MYO15B: variants seen among roughly 807,000 people sequenced by gnomAD.
The protein encoded by MYO15B is myosin XVB pseudogene.
A neutral mutation model predicts 119.3 loss-of-function variants in MYO15B; 207 were observed. The ratio of observed to expected loss-of-function variants is 1.73; its 90% CI spans 1.55 to 1.95. The LOEUF (loss-of-function observed/expected upper bound fraction) is 1.95. Ranked by LOEUF, MYO15B falls within the 30% of genes most tolerant of loss-of-function variation. The pLI, the probability that MYO15B is intolerant of heterozygous loss-of-function variation, is 0.00. For synonymous variants in MYO15B, 966 were observed against 498.9 expected (o/e 1.94, Z -12.48); for missense variants, 2,264 against 1,203.1 (o/e 1.88, Z -13.04).
chr17:75,591,848 C>T, intron 5 of MYO15B, 129 bp from the exon 6 acceptor site: 2 of 670,038 alleles, frequency 3.0e-6, no homozygotes, highest in Admixed American at 2.1e-5. Flanking sequence ...TCTGGCGTCT[C>T]CTGGGGTCAG....
exon 1 of MYO15B, chr17:75,588,502 G>T (rs1223889662): frequency 5.0e-6 from 2 of 398,448 alleles, no homozygotes; most frequent in Non-Finnish European, 8.9e-6. Context: ...CCTCAATGGG[G>T]ACACGTCGGG....
exon 26 of MYO15B, chr17:75,612,876 C>A: frequency 1.4e-6 from 1 of 702,544 alleles, no homozygotes; most frequent in South Asian, 1.5e-5. Flanking sequence ...TCAGCGTGCC[C>A]TGGACATCAA....
chr17:75,625,413 G>A (rs1049163615), intron 60 of MYO15B, 114 bp from the exon 61 acceptor site: 5 of 660,420 alleles, frequency 7.6e-6, no homozygotes, highest in Non-Finnish European at 1.1e-5. Flanking sequence ...CCTCATTCAT[G>A]TGTATGGATG....
At chr17:75,608,646 G>A (rs1160599492) in intron 21 of MYO15B, among the ~76,000 whole-genome samples, 1 of 151,834 alleles carries the variant, frequency 6.6e-6, no homozygotes, top group Non-Finnish European at 1.5e-5. Flanking sequence ...GCAACCTCCA[G>A]CTACTGGTTT....
At position 75,595,069 on chromosome 17, in the gene MYO15B, G is replaced by A. The variant is rs1370978537; in HGVS notation, c.3297+97G>A. 7 of 656,052 alleles carry A rather than the reference G, an allele frequency of 1.1e-5. No individual in the cohort carries two copies. The East Asian group carries it at 1.1e-4, about 10-fold the overall frequency. The allele number at this position is 656,052 out of a possible 1,614,324, so 40.6% of individuals were successfully genotyped here. ...GCTCCAGCTCTCCCTGGGGGCACTC[G>A]CGAGGTGCTTGTCTGTCTGGCAGGG... On this transcript the variant is annotated intron_variant, in intron 12 of 63. Coordinates refer to ENST00000645453, the Ensembl canonical transcript of MYO15B.
intron 25 of MYO15B, 95 bp downstream of exon 25, chr17:75,612,111 C>G (rs1251883253): frequency 1.2e-5 from 8 of 659,550 alleles, no homozygotes; most frequent in Non-Finnish European, 1.9e-5. Flanking sequence ...GCTGTCAGCT[C>G]TTGCCCTCCT....
At chr17:75,600,026 T>C (rs2147823135) in intron 14 of MYO15B, among the ~76,000 whole-genome samples, 1 of 150,594 alleles carries the variant, frequency 6.6e-6, no homozygotes, top group East Asian at 2.0e-4. Context: ...TTTTTTCTTT[T>C]TTCTTTTTTT....
intron 41 of MYO15B, 75 bp downstream of exon 41, chr17:75,617,379 CAGGGCTGA>C: frequency 7.0e-6 from 4 of 573,638 alleles, no homozygotes; most frequent in Non-Finnish European, 1.2e-5. Flanking sequence ...TCTCGGTGCC[CAGGGCTGA>C]AGGCATTTCT....
At chr17:75,625,915 T>C (rs1161073571) in exon 62 of MYO15B, 1 of 702,748 alleles carries the variant, frequency 1.4e-6, no homozygotes, top group Non-Finnish European at 2.6e-6. Flanking sequence ...GCAGGCCCTG[T>C]CCGGACCCAC....
intron 62 of MYO15B, 23 bp downstream of exon 62, chr17:75,626,000 C>A (rs1408187706): frequency 1.4e-6 from 1 of 700,162 alleles, no homozygotes; most frequent in East Asian, 2.7e-5. Flanking sequence ...CTTGCCTCAG[C>A]ACTGGCCTAG....
At chr17:75,624,200 C>T in exon 56 of MYO15B, 1 of 703,014 alleles carries the variant, frequency 1.4e-6, no homozygotes, top group Non-Finnish European at 2.6e-6. Context: ...GCCAGGAGCA[C>T]CTCCAGCGCA....
chr17:75,612,927 C>T (rs1004020845), intron 26 of MYO15B, 34 bp downstream of exon 26: 13 of 692,682 alleles, frequency 1.9e-5, no homozygotes, highest in South Asian at 1.1e-4. Flanking sequence ...ACAGGATAGG[C>T]GCCTGGGAGC....
chr17:75,615,037 C>A, exon 33 of MYO15B: 1 of 702,800 alleles, frequency 1.4e-6, no homozygotes, highest in African/African-American at 1.7e-5. Context: ...CAGGGCTACC[C>A]CATGGGTGAG....
At chr17:75,620,406 G>C (rs1362221183) in intron 48 of MYO15B, 49 bp downstream of exon 48, 1 of 702,804 alleles carries the variant, frequency 1.4e-6, no homozygotes, top group Admixed American at 2.0e-5. Flanking sequence ...CATCCACTTG[G>C]CAGAGGCTGC....
chr17:75,620,631 T>C, exon 49 of MYO15B: 1 of 699,416 alleles, frequency 1.4e-6, no homozygotes. Context: ...GGACAGGGCC[T>C]CAGAGGTGAG....
exon 15 of MYO15B, chr17:75,601,545 A>C: frequency 1.4e-6 from 1 of 703,156 alleles, no homozygotes; most frequent in South Asian, 1.5e-5. Context: ...GACATTATGC[A>C]GGGACTGTCA....
At position 75,616,605 on chromosome 17, in the gene MYO15B, A is replaced by G. The variant is rs1030332333; in HGVS notation, c.6326A>G (p.Glu2109Gly). 5.7e-6 allele frequency: 4 copies of G among 702,886 alleles called. No homozygotes were observed. In the East Asian group the frequency reaches 1.1e-4, roughly 19 times the overall value. The allele number at this position is 702,886 out of a possible 1,614,324, so 43.5% of individuals were successfully genotyped here. ...AAAGCTCCAAAAGAGGCTGAGGCTG[A>G]GCCAGCCAAGGAGACAGCGGCCAAG... Residue 2109 changes from glutamate (E) to glycine (G), a missense_variant, in exon 39 of 64, where the codon GAG (glutamate) becomes GGG (glycine). Glu to Gly is a moderately conservative substitution (Grantham distance 98). Coordinates refer to ENST00000645453, the Ensembl canonical transcript of MYO15B.
At chr17:75,621,442 G>T (rs1308274354) in intron 51 of MYO15B, 34 bp downstream of exon 51, 1 of 698,956 alleles carries the variant, frequency 1.4e-6, no homozygotes, top group African/African-American at 1.7e-5. Context: ...CTGGCCCGTA[G>T]ATCTGCCCTC....
intron 15 of MYO15B, among the ~76,000 whole-genome samples, chr17:75,602,001 T>C (rs1457806202): frequency 6.6e-6 from 1 of 152,010 alleles, no homozygotes; most frequent in African/African-American, 2.4e-5. Context: ...CCGAGTTCTA[T>C]GCCTACCAAG....
Sources: allele counts gnomAD v4.1 joint callset (sites outside exome capture counted in the v4.1 genomes callset), GRCh38; gene constraint gnomAD v4.1.1; transcripts MANE v1.5; gene names NCBI Gene and HGNC (gene_info 2026-07-23, HGNC 2026-07-21).